The following CCT4 variants were observed in gnomAD, a reference collection of about 807,000 sequenced individuals.
CCT4 encodes T-complex protein 1 subunit delta.
Under a neutral mutation model 62.5 loss-of-function variants are expected in CCT4, and 17 were observed. That is an observed-to-expected ratio of 0.27 (90% CI 0.19 to 0.41). CCT4 has a LOEUF of 0.41. CCT4 is among the 10% of genes least tolerant of loss of function. CCT4 has a pLI of 1.00. For synonymous variants in CCT4, 250 were observed against 229.9 expected (o/e 1.09, Z -0.79); for missense variants, 592 against 659.2 (o/e 0.90, Z 1.12).
At chr2:61,888,178 C>A in intron 1 of CCT4, 2 of 584,276 alleles carry the variant, frequency 3.4e-6, no homozygotes, top group Non-Finnish European at 5.8e-6. Flanking sequence ...CAAAATGGGG[C>A]AAGTCCAAAG....
rs1669166041 is a variant in CCT4 at position 61,883,648 on chromosome 2, GTACT to G, written c.181-104_181-101del. On this transcript the variant is annotated intron_variant, in intron 2 of 13. Coordinates refer to ENST00000394440, the MANE Select transcript of CCT4 (RefSeq NM_006430.4). ...AGAGAAGTTAATTTCTGTTTGCAAA[GTACT>G]TAATTTTAAATTCTCTTCCCTTACA... The G allele has an allele frequency of 7.5e-6, 5 of 663,812 alleles. No individual in the cohort carries two copies. The East Asian group carries it at 1.4e-4, about 19-fold the overall frequency. 41.1% of individuals were successfully genotyped at this position (663,812 alleles called of 1,614,324 possible).
In CCT4 at chr2:61,888,598, G is replaced by C; in HGVS notation, c.-91C>G. The C allele has an allele frequency of 6.9e-7, 1 of 1,446,678 alleles. No homozygotes were observed. The highest frequency in any genetic ancestry group is 1.3e-5 in the South Asian group (1 of 76,678). The allele number at this position is 1,446,678 out of a possible 1,614,324, so 89.6% of individuals were successfully genotyped here. A position where few individuals can be genotyped will look rare whatever the true frequency, so the allele number is the denominator to read the frequency against. ...AGTGTAATAACGGTAAGCCCTCACT[G>C]CCTTCACGAACCTTCCAGAAAGCGG... On this transcript the variant is annotated 5_prime_UTR_variant, in exon 1 of 14. Coordinates refer to ENST00000394440, the MANE Select transcript of CCT4 (RefSeq NM_006430.4).
At chr2:61,872,358 G>A (rs1383048461) in intron 11 of CCT4, 42 bp from the exon 12 acceptor site, 2 of 1,462,036 alleles carry the variant, frequency 1.4e-6, no homozygotes, top group Non-Finnish European at 1.8e-6. Context: ...TTATCCAAAA[G>A]AAAATTATTT....
At chr2:61,888,044 C>A (rs1558510127) in intron 1 of CCT4, 2 of 243,376 alleles carry the variant, frequency 8.2e-6, no homozygotes, top group East Asian at 1.6e-4. Flanking sequence ...AAGCAATAAG[C>A]GACAGCCCTC....
At position 61,872,327 on chromosome 2, in the gene CCT4, C is replaced by A. The variant is rs1253145820; in HGVS notation, c.1257-11G>T. The A allele has an allele frequency of 3.2e-6, 5 of 1,561,760 alleles. No individual in the cohort carries two copies. The highest frequency in any genetic ancestry group is 1.8e-5 in the Admixed American group (1 of 56,906). ...CCTGCAATAAGAGCCCTGAAATTCACAAATATATTTTTAGCTTATTTTATC... is the reference window on the plus strand; with the variant it reads ...CCTGCAATAAGAGCCCTGAAATTCAAAAATATATTTTTAGCTTATTTTATC... On this transcript the variant is annotated splice_polypyrimidine_tract_variant and intron_variant, in intron 11 of 13. Coordinates refer to ENST00000394440, the MANE Select transcript of CCT4 (RefSeq NM_006430.4).
In CCT4 at chr2:61,888,464, G is replaced by A. The variant is rs1345625285; in HGVS notation, c.44C>T (p.Ala15Val). The A allele has an allele frequency of 4.3e-6, 7 of 1,611,860 alleles. No homozygotes were observed. Among genetic ancestry groups the A allele is most frequent in the Non-Finnish European group, 5.1e-6 (6 of 1,179,262 alleles). Residue 15 changes from alanine to valine, a missense_variant, in exon 1 of 14, where the codon GCT becomes GTT. Ala to Val is a moderately conservative substitution (Grantham distance 64, BLOSUM62 0). Coordinates refer to ENST00000394440, the MANE Select transcript of CCT4 (RefSeq NM_006430.4). The stretch of plus-strand genomic sequence containing the variant: ...GGCGCCTTTCCCGCGGCCGCCGGCA[G>A]CCCCGGCAGTCGCCCCGCTCCGGGG... ...VAPRSGATAG[A>V]AGGRGKGAYQ... is the part of the protein sequence containing the mutation.
At chr2:61,884,591 G>A (rs577224238) in intron 2 of CCT4, among the ~76,000 whole-genome samples, 8 of 151,984 alleles carry the variant, frequency 5.3e-5, no homozygotes, top group East Asian at 1.9e-4. Flanking sequence ...TTACAGGTGC[G>A]AGCCACTGTG....
chr2:61,884,123 TA>T (rs1669183408), intron 2 of CCT4, among the ~76,000 whole-genome samples: 1 of 152,204 alleles, frequency 6.6e-6, no homozygotes, highest in African/African-American at 2.4e-5. Flanking sequence ...TAAGGAACAC[TA>T]AACTGAAGTC....
At position 61,869,143 on chromosome 2, in the gene CCT4, GAAA is replaced by G. The variant is rs33947847; in HGVS notation, c.1605+294_1605+296del. ...GGCAACAGAGCAAGACTTCGTCTCA[GAAA>G]AAAAAAAAAAAAAAAAAAAGTAAAA... On this transcript the variant is annotated intron_variant, in intron 13 of 13. Transcript: ENST00000394440. Among the ~76,000 whole-genome samples the G allele has an allele frequency of 2.4e-3, 168 of 70,712 alleles. 3 individuals are homozygous for G. Among genetic ancestry groups the G allele is most frequent in the East Asian group, 1.0e-2 (24 of 2,406 alleles). 46.4% of individuals were successfully genotyped at this position (70,712 alleles called of 152,430 possible). A position where few individuals can be genotyped will look rare whatever the true frequency, so the allele number is the denominator to read the frequency against.
rs747403694 is a variant in CCT4, at chr2:61,877,044, A to G, written c.653T>C (p.Ile218Thr). Reference protein sequence around the residue: ...IKIVKKLGGTIDDCELVEGLV... With the variant: ...IKIVKKLGGTTDDCELVEGLV... ...CCCTTCCACCAACTCACAGTCATCA[A>G]TTGTCCCACTAAGGATAAAAGAAAA... Residue 218 changes from isoleucine (I) to threonine (T), a missense_variant, in exon 7 of 14, where the codon ATT (isoleucine) becomes ACT (threonine). By Grantham distance (89) the Ile-to-Thr change is moderately conservative. This residue lies in a region of CCT4 where 522 missense variants were observed against 571.2 expected (regional missense o/e 0.91). Transcript: ENST00000394440. 2 of 1,613,418 alleles carry G rather than the reference A, an allele frequency of 1.2e-6. No homozygotes were observed. Among genetic ancestry groups the G allele is most frequent in the Admixed American group, 1.7e-5 (1 of 59,930 alleles).
In CCT4 at chr2:61,874,773, C is replaced by T. The variant is rs557854253; in HGVS notation, c.917+1322G>A. 1.3e-4 allele frequency among the ~76,000 whole-genome samples: 20 copies of T among 152,248 alleles called. No homozygotes were observed. In the South Asian group the frequency reaches 4.1e-3, roughly 32 times the overall value. ...TCCACTTTTAACTAGGTAATTAATT[C>T]TGCAACATGGCTTTTAAAAGAACAA... On this transcript the variant is annotated intron_variant, in intron 8 of 13. Transcript: ENST00000394440.
chr2:61,872,627 C>CA lies in CCT4; in HGVS notation c.1126-40dup, dbSNP rs200509643. The CA allele has an allele frequency of 1.9e-3, 3,044 of 1,607,366 alleles. 38 individuals are homozygous for CA. The African/African-American group carries it at 0.034, about 18-fold the overall frequency. On this transcript the variant is annotated intron_variant, in intron 10 of 13. Coordinates refer to ENST00000394440, the MANE Select transcript of CCT4 (RefSeq NM_006430.4). ...ATTCCAAATTAAGTATTTGAAGGGT[C>CA]AAAAAAACCCCACACCCAGGCCGGG...
intron 1 of CCT4, chr2:61,887,868 TA>T: frequency 6.6e-6 from 1 of 152,504 alleles, no homozygotes; most frequent in Non-Finnish European, 1.5e-5. Flanking sequence ...ACACGACACG[TA>T]AGTCGGTTCC....
At chr2:61,888,144 G>C (rs1338210613) in intron 1 of CCT4, 1 of 535,730 alleles carries the variant, frequency 1.9e-6, no homozygotes, top group Non-Finnish European at 3.3e-6. Context: ...AGTGCAGGAT[G>C]AAAAACTAAG....
chr2:61,887,928 G>C (rs530584660), intron 1 of CCT4: 1 of 153,550 alleles, frequency 6.5e-6, no homozygotes, highest in East Asian at 1.9e-4. Flanking sequence ...GACTCGGAGA[G>C]TTCACCCAAT....
At chr2:61,877,115 G>A in intron 6 of CCT4, 63 bp from the exon 7 acceptor site, 2 of 1,398,888 alleles carry the variant, frequency 1.4e-6, no homozygotes, top group Non-Finnish European at 2.0e-6. Flanking sequence ...ACGTTTAATA[G>A]ATGAACAGAT....
At chr2:61,871,594 T>C (rs1011472635) in intron 12 of CCT4, among the ~76,000 whole-genome samples, 4 of 152,222 alleles carry the variant, frequency 2.6e-5, no homozygotes, top group South Asian at 4.1e-4. Context: ...TTCTTTCCCA[T>C]CATGTGTTTA....
At chr2:61,881,973 C>T (rs1253983936) in intron 3 of CCT4, among the ~76,000 whole-genome samples, 1 of 150,752 alleles carries the variant, frequency 6.6e-6, no homozygotes, top group Non-Finnish European at 1.5e-5. Context: ...TACTCTGTCA[C>T]CCCAAGCTGG....
rs1402036242 is a variant in CCT4, at chr2:61,888,453, G to A, written c.55C>T (p.Arg19Cys). Residue 19 changes from arginine to cysteine, a missense_variant, in exon 1 of 14, where the codon CGC (arginine) becomes TGC (cysteine). This residue lies in a region of CCT4 where 67 missense variants were observed against 71.1 expected (regional missense o/e 0.94). Transcript: ENST00000394440. ...SGATAGAAGG[R>C]GKGAYQDRDK... is the part of the protein sequence containing the mutation. Reference sequence around the variant, plus strand: ...CGGTCCTGATAGGCGCCTTTCCCGCGGCCGCCGGCAGCCCCGGCAGTCGCC... The same window carrying A: ...CGGTCCTGATAGGCGCCTTTCCCGCAGCCGCCGGCAGCCCCGGCAGTCGCC... 6 of 1,611,338 alleles carry A rather than the reference G, an allele frequency of 3.7e-6. No individual in the cohort carries two copies. The highest frequency in any genetic ancestry group is 5.1e-6 in the Non-Finnish European group (6 of 1,179,240).
Sources: gnomAD v4.1 joint callset for allele counts (sites outside exome capture counted in the v4.1 genomes callset) on GRCh38, gnomAD v4.1.1 for gene constraint, gnomAD v4.1.1 regional missense constraint, MANE v1.5 for transcripts, NCBI Gene and HGNC (gene_info 2026-07-23, HGNC 2026-07-21) for gene names.